Variants in CNTN6 observed in about 807,000 individuals in gnomAD.
The protein encoded by CNTN6 is contactin 6, also known as contactin-6.
Under a neutral mutation model 122.8 loss-of-function variants are expected in CNTN6, and 137 were observed. The observed-to-expected ratio is 1.12, with a 90% CI of 0.97 to 1.29. The LOEUF (loss-of-function observed/expected upper bound fraction) is 1.29. Among genes scored for constraint, CNTN6 ranks in the 50% most tolerant of loss-of-function variants. The pLI, the probability that CNTN6 is intolerant of heterozygous loss-of-function variation, is 0.00. For missense variants in CNTN6, 1,634 were observed against 1,223.4 expected, an observed-to-expected ratio of 1.34 and a Z score of -5.01; for synonymous variants, 570 against 426.0, an observed-to-expected ratio of 1.34 and a Z score of -4.16.
At chr3:1,371,542 TCTACATTGTGA>T (rs1404463548) in intron 12 of CNTN6, among the ~76,000 whole-genome samples, 3 of 152,104 alleles carry the variant, frequency 2.0e-5, no homozygotes, top group African/African-American at 7.2e-5. Context: ...GTCATAACGA[TCTACATTGTGA>T]GTCTCTTTTA....
intron 12 of CNTN6, among the ~76,000 whole-genome samples, chr3:1,353,705 C>T (rs925895702): frequency 2.0e-5 from 3 of 151,326 alleles, no homozygotes; most frequent in East Asian, 1.9e-4. Flanking sequence ...AGTTCATTAA[C>T]GGGAAAAAAA....
intron 4 of CNTN6, among the ~76,000 whole-genome samples, chr3:1,272,703 T>C (rs199563825): frequency 6.6e-6 from 1 of 152,110 alleles, no homozygotes; most frequent in African/African-American, 2.4e-5. Flanking sequence ...CCTTCAAGCT[T>C]ATGAGACTTG....
Position 1,385,761 on chromosome 3 carries a change from TCAAGCCCCC to T in CNTN6, c.2671_2679del (p.Ser891_Pro893del). 1 of 1,612,982 alleles carries T rather than the reference TCAAGCCCCC, an allele frequency of 6.2e-7. No homozygotes were observed. On this transcript the variant is annotated inframe_deletion, in exon 20 of 23. Coordinates refer to ENST00000446702, the MANE Select transcript of CNTN6 (RefSeq NM_001289080.2). ...TTACAACACTGCTGGGACAGGGCCC[TCAAGCCCCC>T]CAGTCAATGTTACCACCAAAAAGTC...
At chr3:1,270,314 C>A (rs1167493251) in intron 4 of CNTN6, among the ~76,000 whole-genome samples, 2 of 152,108 alleles carry the variant, frequency 1.3e-5, no homozygotes, top group Non-Finnish European at 2.9e-5. Flanking sequence ...ATAACTGGTC[C>A]TCTTCAAAGA....
At chr3:1,103,421 T>G (rs918391232) in intron 1 of CNTN6, among the ~76,000 whole-genome samples, 2 of 152,238 alleles carry the variant, frequency 1.3e-5, no homozygotes, top group African/African-American at 4.8e-5. Flanking sequence ...TGTCCCTTTG[T>G]GCAGACTGTG....
At chr3:1,162,409 A>G (rs2093156720) in intron 2 of CNTN6, among the ~76,000 whole-genome samples, 1 of 152,184 alleles carries the variant, frequency 6.6e-6, no homozygotes, top group African/African-American at 2.4e-5. Flanking sequence ...AGGGGAAAAA[A>G]AACCCCTTCT....
intron 12 of CNTN6, among the ~76,000 whole-genome samples, chr3:1,358,458 A>C (rs1559914268): frequency 6.9e-6 from 1 of 144,754 alleles, no homozygotes. Flanking sequence ...CTCTAGGGCC[A>C]TTTTTTTTTT....
intron 7 of CNTN6, among the ~76,000 whole-genome samples, chr3:1,317,831 C>A (rs1273929152): frequency 2.0e-5 from 3 of 150,458 alleles, no homozygotes; most frequent in Non-Finnish European, 4.4e-5. Context: ...GTGTGGTCAG[C>A]CCAACTGAAA....
At chr3:1,149,884 T>G (rs2092802150) in intron 2 of CNTN6, among the ~76,000 whole-genome samples, 1 of 152,180 alleles carries the variant, frequency 6.6e-6, no homozygotes, top group African/African-American at 2.4e-5. Context: ...TAAATTAAAA[T>G]GAATTATTAG....
At chr3:1,251,831 C>T (rs3772338) in intron 4 of CNTN6, among the ~76,000 whole-genome samples, 10,798 of 152,094 alleles carry the variant, frequency 0.071, 786 homozygotes, top group East Asian at 0.33. Flanking sequence ...ATTTTCCTGA[C>T]CCTTTAATAT....
chr3:1,340,531 A>G (rs1255965889), intron 11 of CNTN6, among the ~76,000 whole-genome samples: 3 of 152,196 alleles, frequency 2.0e-5, no homozygotes, highest in Non-Finnish European at 4.4e-5. Context: ...AGAGGTAGAT[A>G]TGTAAATTCA....
At chr3:1,158,853 CAT>C (rs1322686488) in intron 2 of CNTN6, among the ~76,000 whole-genome samples, 24 of 70,612 alleles carry the variant, frequency 3.4e-4, no homozygotes, top group East Asian at 1.2e-3. Flanking sequence ...TATATACATA[CAT>C]ATATATACAC....
At chr3:1,274,248 G>C (rs1239423310) in intron 4 of CNTN6, among the ~76,000 whole-genome samples, 1 of 152,108 alleles carries the variant, frequency 6.6e-6, no homozygotes, top group African/African-American at 2.4e-5. Flanking sequence ...AGTCATAGAG[G>C]ACTCCCAAGT....
In CNTN6 at chr3:1,387,705, G is replaced by A. The variant is rs192043792; in HGVS notation, c.2704+1908G>A. Reference sequence around the variant, plus strand: ...AGTGGGCGCAGGTCAGTGGGTGAGCGCACCGTGCGCAAGCCGAAGCAGGGC... The same window carrying A: ...AGTGGGCGCAGGTCAGTGGGTGAGCACACCGTGCGCAAGCCGAAGCAGGGC... On this transcript the variant is annotated intron_variant, in intron 20 of 22. Transcript: ENST00000446702. Among the ~76,000 whole-genome samples, 541 of 152,278 alleles carry A rather than the reference G, an allele frequency of 3.6e-3. 2 individuals are homozygous for A. The highest frequency in any genetic ancestry group is 5.1e-3 in the African/African-American group (210 of 41,568).
chr3:1,297,382 C>T (rs529784929), intron 6 of CNTN6, among the ~76,000 whole-genome samples: 1 of 152,156 alleles, frequency 6.6e-6, no homozygotes, highest in African/African-American at 2.4e-5. Context: ...TAGGTTATAC[C>T]ATCATCTTAT....
intron 1 of CNTN6, among the ~76,000 whole-genome samples, chr3:1,117,999 T>A (rs901791744): frequency 6.6e-6 from 1 of 152,146 alleles, no homozygotes; most frequent in African/African-American, 2.4e-5. Context: ...CTTCTGGTAA[T>A]CACTTCCCAA....
At chr3:1,136,280 G>T (rs1050633104) in intron 1 of CNTN6, among the ~76,000 whole-genome samples, 5 of 152,150 alleles carry the variant, frequency 3.3e-5, no homozygotes, top group African/African-American at 1.2e-4. Context: ...AAACTACATT[G>T]TTAGCTATTG....
chr3:1,340,163 G>C (rs909711340), intron 11 of CNTN6, among the ~76,000 whole-genome samples: 4 of 152,088 alleles, frequency 2.6e-5, no homozygotes, highest in African/African-American at 4.8e-5. Context: ...GAGAAGCTCT[G>C]ACTCAAAGCC....
intron 11 of CNTN6, among the ~76,000 whole-genome samples, chr3:1,331,770 C>T (rs1207284804): frequency 4.0e-5 from 6 of 148,894 alleles, no homozygotes; most frequent in Non-Finnish European, 8.9e-5. Flanking sequence ...GGTCCAAACA[C>T]GAAGTATGTG....
Sources: gnomAD v4.1 joint callset for allele counts (sites outside exome capture counted in the v4.1 genomes callset) on GRCh38, gnomAD v4.1.1 for gene constraint, MANE v1.5 for transcripts, NCBI Gene and HGNC (gene_info 2026-07-23, HGNC 2026-07-21) for gene names.